The following ARFIP2 variants were observed in gnomAD, a reference collection of about 807,000 sequenced individuals.
ARFIP2 encodes ARF interacting protein 2.
Under a neutral mutation model 39.2 loss-of-function variants are expected in ARFIP2, and 14 were observed. The ratio of observed to expected loss-of-function variants is 0.36; its 90% CI spans 0.24 to 0.56. The LOEUF (loss-of-function observed/expected upper bound fraction) is 0.56. Ranked by LOEUF, ARFIP2 falls within the 20% of genes least tolerant of loss-of-function variation. The probability of loss-of-function intolerance (pLI) is 0.85; values close to 1 mark genes in which losing one functional copy is unlikely to be tolerated. For missense variants in ARFIP2, 305 were observed against 422.5 expected (o/e 0.72, Z 2.44); for synonymous variants, 167 against 172.4 (o/e 0.97, Z 0.24).
rs1305386409 is a variant in ARFIP2 at position 6,481,141 on chromosome 11, GTCCTCA to G, written c.-43+84_-43+89del. 5 of 421,866 alleles carry G rather than the reference GTCCTCA, an allele frequency of 1.2e-5. No individual in the cohort carries two copies. In the East Asian group the frequency reaches 2.5e-4, roughly 21 times the overall value. The allele number at this position is 421,866 out of a possible 1,614,324, so 26.1% of individuals were successfully genotyped here. On this transcript the variant is annotated intron_variant, in intron 1 of 7. Transcript: ENST00000396777. ...CCCCATACACCTGGACATCAGGTGTGTCCTCATCCTTCCCCGGGGCTCGGGGCATCT... is the reference window on the plus strand; with the variant it reads ...CCCCATACACCTGGACATCAGGTGTGTCCTTCCCCGGGGCTCGGGGCATCT...
At chr11:6,481,132 A>C in intron 1 of ARFIP2, 99 bp downstream of exon 1, 2 of 369,734 alleles carry the variant, frequency 5.4e-6, no homozygotes, top group Non-Finnish European at 1.0e-5. Context: ...ACACCTGGAC[A>C]TCAGGTGTGT....
At chr11:6,479,023 C>A (rs1039007252) in intron 4 of ARFIP2, 64 bp from the exon 5 acceptor site, 3 of 1,578,616 alleles carry the variant, frequency 1.9e-6, no homozygotes, top group African/African-American at 2.7e-5. Context: ...CAGGTATCTA[C>A]CCCAGCACCC....
intron 3 of ARFIP2, chr11:6,479,480 A>G (rs2344830): frequency 0.31 from 242,861 of 793,520 alleles, 39,436 homozygotes; most frequent in Admixed American, 0.4. Flanking sequence ...AGGGGTTTGC[A>G]GGGAGTTGTT....
intron 1 of ARFIP2, 174 bp from the exon 2 acceptor site, chr11:6,480,637 C>A: frequency 2.1e-6 from 1 of 485,868 alleles, no homozygotes; most frequent in South Asian, 2.7e-5. Flanking sequence ...TTGAAACAGG[C>A]ACACCAAAGC....
In ARFIP2 at chr11:6,478,861, G is replaced by C; in HGVS notation, c.414C>G (p.Arg138=). Residue 138 remains arginine, a synonymous_variant, in exon 5 of 8, where the codon CGC becomes CGG. Transcript: ENST00000396777. This position sits in a 1 kb window ranked among gnomAD's most constrained non-coding sequence, Gnocchi z 4.8. ...LQIELLRETK[R]KYESVLQLGR... is the part of the protein sequence containing the mutation. The stretch of plus-strand genomic sequence containing the variant: ...CCAGCTGCAGGACACTCTCATACTT[G>C]CGCTTCGTCTCACGCAGCAACTCAA... 6.2e-7 allele frequency: 1 copy of C among 1,614,146 alleles called. No homozygotes were observed. The highest frequency in any genetic ancestry group is 8.5e-7 in the Non-Finnish European group (1 of 1,180,014).
chr11:6,477,182 G>A lies in ARFIP2; in HGVS notation c.957C>T (p.Thr319=). The part of the protein sequence containing the change: ...FAGNQKQLEQ[T]LQQFNIKLRP... ...GCAGCTTGATGTTGAACTGCTGCAGGGTCTGCTCCAGCTGTTTCTGGTTCC... is the reference window on the plus strand; with the variant it reads ...GCAGCTTGATGTTGAACTGCTGCAGAGTCTGCTCCAGCTGTTTCTGGTTCC... Residue 319 remains threonine, a synonymous_variant, in exon 8 of 8, where the codon ACC becomes ACT. Coordinates refer to ENST00000396777, the MANE Select transcript of ARFIP2 (RefSeq NM_001376558.2). This position sits in a 1 kb window ranked among gnomAD's most constrained non-coding sequence, Gnocchi z 4.8. 2 of 1,612,868 alleles carry A rather than the reference G, an allele frequency of 1.2e-6. No homozygotes were observed. Among genetic ancestry groups the A allele is most frequent in the Non-Finnish European group, 1.7e-6 (2 of 1,179,448 alleles).
Position 6,477,072 on chromosome 11 carries a change from C to A in ARFIP2, c.*41G>T. 1.9e-6 allele frequency: 3 copies of A among 1,582,104 alleles called. No individual in the cohort carries two copies. Among genetic ancestry groups the A allele is most frequent in the Non-Finnish European group, 2.6e-6 (3 of 1,160,020 alleles). ...TCTCCCACACCCTGGGGCTGCCCTTCCCAATGTCTTTCTTGATAGCCAAGT... is the reference window on the plus strand; with the variant it reads ...TCTCCCACACCCTGGGGCTGCCCTTACCAATGTCTTTCTTGATAGCCAAGT... On this transcript the variant is annotated 3_prime_UTR_variant, in exon 8 of 8. Transcript: ENST00000396777. The surrounding 1 kb of genome is among the most constrained non-coding windows in gnomAD (Gnocchi z 4.8).
At chr11:6,481,137 G>A in intron 1 of ARFIP2, 94 bp downstream of exon 1, 1 of 409,082 alleles carries the variant, frequency 2.4e-6, no homozygotes, top group South Asian at 2.6e-5. Flanking sequence ...TGGACATCAG[G>A]TGTGTCCTCA....
Position 6,478,100 on chromosome 11 carries a change from T to G in ARFIP2, c.636A>C (p.Thr212=). Residue 212 remains threonine (T), a synonymous_variant, in exon 6 of 8, where the codon ACA becomes ACC. Transcript: ENST00000396777. The surrounding 1 kb of genome is among the most constrained non-coding windows in gnomAD (Gnocchi z 4.8). ...TGTCTTCCATGGTCTTGGTGACCAA[T>G]GTGTTGATGCTAGAGACAAAGAAGT... ...AVNFFVSSIN[T]LVTKTMEDTL... is the part of the protein sequence containing the mutation. The G allele has an allele frequency of 6.2e-7, 1 of 1,614,078 alleles. No individual in the cohort carries two copies. The highest frequency in any genetic ancestry group is 8.5e-7 in the Non-Finnish European group (1 of 1,180,002).
Position 6,477,688 on chromosome 11 carries a change from G to T in ARFIP2, c.870+30C>A. ...AGGTTAGTGTTACAGATGGAAAGGT[G>T]GGCTAGGGTCAAGGGGGTGGGGTTG... On this transcript the variant is annotated intron_variant, in intron 7 of 7. Transcript: ENST00000396777. This position sits in a 1 kb window ranked among gnomAD's most constrained non-coding sequence, Gnocchi z 4.8. 3.1e-6 allele frequency: 5 copies of T among 1,607,728 alleles called. No homozygotes were observed. Among genetic ancestry groups the T allele is most frequent in the Non-Finnish European group, 4.3e-6 (5 of 1,176,072 alleles).
chr11:6,479,906 C>G (rs779157517), intron 3 of ARFIP2, 66 bp downstream of exon 3: 25 of 1,470,406 alleles, frequency 1.7e-5, no homozygotes, highest in Non-Finnish European at 2.3e-5. Context: ...TAGACATATC[C>G]TATGCTTCCC....
chr11:6,477,136 G>A lies in ARFIP2; in HGVS notation c.1003C>T (p.Pro335Ser). 6.2e-7 allele frequency: 1 copy of A among 1,611,516 alleles called. No homozygotes were observed. Among genetic ancestry groups the A allele is most frequent in the Non-Finnish European group, 8.5e-7 (1 of 1,178,594 alleles). The change falls in exon 8 of 8, where the codon CCC (proline) becomes TCC (serine). Residue 335 changes from proline to serine, a missense_variant. Pro to Ser is a moderately conservative substitution (Grantham distance 74, BLOSUM62 -1). Transcript: ENST00000396777. The surrounding 1 kb of genome is among the most constrained non-coding windows in gnomAD (Gnocchi z 4.8). ...GCTCACTGCTCCTCTAGCCAGGAGG[G>A]TTTCTCAGCTCCTGGAGGCCGCAGC... is the stretch of plus-strand genomic sequence containing the variant. Reference protein sequence around the residue: ...IKLRPPGAEKPSWLEEQ With the variant: ...IKLRPPGAEKSSWLEEQ
chr11:6,479,908 A>G (rs1284638845), intron 3 of ARFIP2, 64 bp downstream of exon 3: 2 of 1,485,044 alleles, frequency 1.3e-6, no homozygotes, highest in Non-Finnish European at 9.4e-7. Flanking sequence ...GACATATCCT[A>G]TGCTTCCCCA....
Position 6,481,216 on chromosome 11 carries a change from G to T in ARFIP2, c.-43+15C>A. The T allele has an allele frequency of 3.5e-6, 2 of 572,480 alleles. No individual in the cohort carries two copies. Among genetic ancestry groups the T allele is most frequent in the Admixed American group, 3.2e-5 (1 of 31,582 alleles). 35.5% of individuals were successfully genotyped at this position (572,480 alleles called of 1,614,324 possible). On this transcript the variant is annotated intron_variant, in intron 1 of 7. Coordinates refer to ENST00000396777, the MANE Select transcript of ARFIP2 (RefSeq NM_001376558.2). ...GTGCGTTCAACTTCCCGTCGCCCAA[G>T]CATGTTCCTCTCACCTCGGGCCGGG...
In ARFIP2 at chr11:6,478,926, G is replaced by A. The variant is rs2134293522; in HGVS notation, c.349C>T (p.Arg117Ter). The change falls in exon 5 of 8, where the codon CGA becomes TGA. Residue 117 changes from arginine to a stop codon, truncating the protein, a stop_gained. Transcript: ENST00000396777. LOFTEE classifies it high-confidence loss of function. The surrounding 1 kb of genome is among the most constrained non-coding windows in gnomAD (Gnocchi z 4.8). ...TKQLLSERFG[R>*]GSRTVDLELE... ...TCCAGGTCCACAGTCCGTGAGCCTC[G>A]ACCAAATCGTTCTGATAACAGTTGC... 2.5e-6 allele frequency: 4 copies of A among 1,614,100 alleles called. No homozygotes were observed. The highest frequency in any genetic ancestry group is 1.7e-5 in the Admixed American group (1 of 60,016).
chr11:6,478,809 T>C lies in ARFIP2; in HGVS notation c.466A>G (p.Ser156Gly). The change falls in exon 5 of 8, where the codon AGC (serine) becomes GGC (glycine). Residue 156 changes from serine to glycine, a missense_variant. Transcript: ENST00000396777. This position sits in a 1 kb window ranked among gnomAD's most constrained non-coding sequence, Gnocchi z 4.8. ...AGTGCATGCTGGGTCTGCAGCAGGC[T>C]GTAGAGGTGGGCTGTCAGTGCCCGG... ...LGRALTAHLY[S>G]LLQTQHALGD... 6.2e-7 allele frequency: 1 copy of C among 1,614,170 alleles called. No individual in the cohort carries two copies. Among genetic ancestry groups the C allele is most frequent in the Non-Finnish European group, 8.5e-7 (1 of 1,180,006 alleles).
rs750728743 is a variant in ARFIP2, at chr11:6,478,994, TAACA to T, written c.316-39_316-36del. ...AAATGGGGGAATAAATCAGAGACCC[TAACA>T]GCCTCCCCACACAACAGGTATCTAC... On this transcript the variant is annotated intron_variant, in intron 4 of 7. Transcript: ENST00000396777. This position sits in a 1 kb window ranked among gnomAD's most constrained non-coding sequence, Gnocchi z 4.8. The T allele has an allele frequency of 5.0e-6, 8 of 1,606,470 alleles. No individual in the cohort carries two copies. The African/African-American group carries it at 1.1e-4, about 21-fold the overall frequency.
chr11:6,477,651 G>C lies in ARFIP2; in HGVS notation c.870+67C>G. The C allele has an allele frequency of 1.9e-6, 3 of 1,549,854 alleles. No homozygotes were observed. The highest frequency in any genetic ancestry group is 1.8e-6 in the Non-Finnish European group (2 of 1,135,980). ...CATTTCCTCATTCAATAATGGGGAG[G>C]GTCTGAGGGGAAGGTTAGTGTTACA... On this transcript the variant is annotated intron_variant, in intron 7 of 7. Transcript: ENST00000396777. This position sits in a 1 kb window ranked among gnomAD's most constrained non-coding sequence, Gnocchi z 4.8.
chr11:6,480,002 C>T lies in ARFIP2; in HGVS notation c.166G>A (p.Gly56Arg). 1 of 1,614,148 alleles carries T rather than the reference C, an allele frequency of 6.2e-7. No homozygotes were observed. Among genetic ancestry groups the T allele is most frequent in the Non-Finnish European group, 8.5e-7 (1 of 1,180,024 alleles). Residue 56 changes from glycine to arginine, a missense_variant, in exon 3 of 8, where the codon GGG (glycine) becomes AGG (arginine). Gly to Arg is a moderately radical substitution (Grantham distance 125). Coordinates refer to ENST00000396777, the MANE Select transcript of ARFIP2 (RefSeq NM_001376558.2). ...NETSIVSGGY[G>R]GSGDGLIPTG... Reference sequence around the variant, plus strand: ...GGGATGAGTCCATCACCAGAGCCCCCATAGCCACCAGACACAATGCTGGTT... The same window carrying T: ...GGGATGAGTCCATCACCAGAGCCCCTATAGCCACCAGACACAATGCTGGTT...
Sources: gnomAD v4.1 joint callset for allele counts on GRCh38, gnomAD v4.1.1 for gene constraint, Gnocchi (gnomAD v3.1) non-coding constraint, MANE v1.5 for transcripts, NCBI Gene and HGNC (gene_info 2026-07-23, HGNC 2026-07-21) for gene names.